The following VWA5B1 variants were observed in gnomAD, a reference collection of about 807,000 sequenced individuals.
The protein encoded by VWA5B1 is von Willebrand factor A domain-containing protein 5B1.
In VWA5B1, 115 loss-of-function variants were observed where a neutral mutation model predicts 118.2. The ratio of observed to expected loss-of-function variants is 0.97; its 90% CI spans 0.84 to 1.14. VWA5B1 has a LOEUF of 1.14. Among genes scored for constraint, VWA5B1 ranks in the 50% most tolerant of loss-of-function variants. The pLI is 0.00. For synonymous variants in VWA5B1, 682 were observed against 658.4 expected (o/e 1.04, Z -0.55); for missense variants, 1,596 against 1,603.8 (o/e 1.00, Z 0.08).
In VWA5B1 at chr1:20,314,624, C is replaced by A. The variant is rs946707134; in HGVS notation, c.563+32C>A. 3.9e-6 allele frequency: 6 copies of A among 1,543,666 alleles called. No homozygotes were observed. In the African/African-American group the frequency reaches 8.2e-5, roughly 21 times the overall value. The stretch of plus-strand genomic sequence containing the variant: ...AAGCCCTGCCCAGACCAATCAGAGT[C>A]CCAGGTGGGCAGCAGAGAGTGCGTC... On this transcript the variant is annotated intron_variant, in intron 4 of 21. Coordinates refer to ENST00000289815, the MANE Select transcript of VWA5B1 (RefSeq NM_001039500.3).
intron 12 of VWA5B1, among the ~76,000 whole-genome samples, chr1:20,334,629 G>A (rs1346799175): frequency 6.6e-6 from 1 of 151,620 alleles, no homozygotes; most frequent in East Asian, 2.0e-4. Context: ...TGGCCAACAT[G>A]GTGAAACCCC....
intron 1 of VWA5B1, among the ~76,000 whole-genome samples, chr1:20,296,423 G>A (rs781455454): frequency 6.6e-6 from 1 of 152,192 alleles, no homozygotes; most frequent in African/African-American, 2.4e-5. Flanking sequence ...GGACATTGGA[G>A]GACTCCTAGT....
chr1:20,343,404 C>T lies in VWA5B1; in HGVS notation c.2626+11C>T. On this transcript the variant is annotated intron_variant, in intron 16 of 21. Coordinates refer to ENST00000289815, the MANE Select transcript of VWA5B1 (RefSeq NM_001039500.3). ...GCGAGATCGAGCAGGGTGAGCGCCA[C>T]GGAACTGCGCCCCTCCCGCGGACGG... 6.7e-7 allele frequency: 1 copy of T among 1,498,846 alleles called. No homozygotes were observed. The highest frequency in any genetic ancestry group is 8.9e-7 in the Non-Finnish European group (1 of 1,125,196). 92.8% of individuals were successfully genotyped at this position (1,498,846 alleles called of 1,614,324 possible). A position where few individuals can be genotyped will look rare whatever the true frequency, so the allele number is the denominator to read the frequency against.
rs936091250 is a variant in VWA5B1, at chr1:20,350,234, A to G, written c.2953+4A>G. 1 of 1,550,840 alleles carries G rather than the reference A, an allele frequency of 6.4e-7. No homozygotes were observed. The highest frequency in any genetic ancestry group is 1.4e-5 in the African/African-American group (1 of 73,034). On this transcript the variant is annotated splice_donor_region_variant and intron_variant, in intron 19 of 21. Transcript: ENST00000289815. ...GAGAAGCACGGTGCTTCTGAAGGTG[A>G]GTGGGCAGGTGGCGCTGCCTCTTCA...
intron 11 of VWA5B1, 86 bp from the exon 12 acceptor site, chr1:20,332,680 C>A (rs1570166052): frequency 1.4e-6 from 2 of 1,431,940 alleles, no homozygotes; most frequent in Non-Finnish European, 1.9e-6. Flanking sequence ...CCTGCTCCCA[C>A]TCCCCACTAA....
At chr1:20,310,533 G>C in intron 1 of VWA5B1, 43 bp from the exon 2 acceptor site, 3 of 1,445,440 alleles carry the variant, frequency 2.1e-6, no homozygotes, top group Non-Finnish European at 2.7e-6. Context: ...GAGGGGACCT[G>C]GGGGAGCCTC....
intron 4 of VWA5B1, among the ~76,000 whole-genome samples, chr1:20,314,968 G>A (rs188897117): frequency 6.6e-6 from 1 of 152,254 alleles, no homozygotes; most frequent in African/African-American, 2.4e-5. Flanking sequence ...TGACATTTTG[G>A]AACTTGGTGG....
intron 20 of VWA5B1, among the ~76,000 whole-genome samples, chr1:20,351,206 GA>G (rs560795810): frequency 2.6e-4 from 39 of 152,330 alleles, no homozygotes; most frequent in African/African-American, 8.7e-4. Context: ...CACTGGACTG[GA>G]CAAGAATGTG....
chr1:20,312,742 C>T, intron 2 of VWA5B1, 94 bp from the exon 3 acceptor site: 1 of 1,414,462 alleles, frequency 7.1e-7, no homozygotes, highest in South Asian at 1.6e-5. Context: ...TGGGCACCAC[C>T]CAACAGGCAG....
chr1:20,333,178 T>C (rs899883419), intron 12 of VWA5B1, among the ~76,000 whole-genome samples: 10 of 152,202 alleles, frequency 6.6e-5, no homozygotes, highest in Admixed American at 5.2e-4. Flanking sequence ...ATGTGGTTAT[T>C]AAGAGCCCCT....
In VWA5B1 at chr1:20,298,296, C is replaced by A. The variant is rs181890197; in HGVS notation, c.-27+7208C>A. On this transcript the variant is annotated intron_variant, in intron 1 of 21. Transcript: ENST00000289815. Reference sequence around the variant, plus strand: ...TGGTAGGATTACAGGCATGAGCCACCCTGCCCAGTCTCAGTGGTGAATCTG... The same window carrying A: ...TGGTAGGATTACAGGCATGAGCCACACTGCCCAGTCTCAGTGGTGAATCTG... Among the ~76,000 whole-genome samples, 377 of 152,078 alleles carry A rather than the reference C, an allele frequency of 2.5e-3. 1 individual carries two copies. Among genetic ancestry groups the A allele is most frequent in the African/African-American group, 8.9e-3 (368 of 41,522 alleles).
Position 20,354,315 on chromosome 1 carries a change from G to A in VWA5B1, c.*52G>A, listed in dbSNP as rs745612558. The A allele has an allele frequency of 6.7e-7, 1 of 1,483,144 alleles. No individual in the cohort carries two copies. Among genetic ancestry groups the A allele is most frequent in the East Asian group, 2.5e-5 (1 of 40,162 alleles). 91.9% of individuals were successfully genotyped at this position (1,483,144 alleles called of 1,614,324 possible). A position where few individuals can be genotyped will look rare whatever the true frequency, so the allele number is the denominator to read the frequency against. ...GGAAGGGTGGGGAGGAGAGGGATGGGCAGGGCCATGTCGGCCTGGTTTCGG... is the reference window on the plus strand; with the variant it reads ...GGAAGGGTGGGGAGGAGAGGGATGGACAGGGCCATGTCGGCCTGGTTTCGG... On this transcript the variant is annotated 3_prime_UTR_variant, in exon 22 of 22. Coordinates refer to ENST00000289815, the MANE Select transcript of VWA5B1 (RefSeq NM_001039500.3).
rs1055938635 is a variant in VWA5B1 at position 20,357,089 on chromosome 1, T to A, written c.*2826T>A. ...TTTCTAGGTCATACAAAGGAATATT[T>A]ATGCCCTGCACTGTCTGAAGAAAGG... On this transcript the variant is annotated 3_prime_UTR_variant, in exon 22 of 22. Coordinates refer to ENST00000289815, the MANE Select transcript of VWA5B1 (RefSeq NM_001039500.3). 6.6e-6 allele frequency among the ~76,000 whole-genome samples: 1 copy of A among 152,190 alleles called. No individual in the cohort carries two copies. The highest frequency in any genetic ancestry group is 2.4e-5 in the African/African-American group (1 of 41,456).
intron 21 of VWA5B1, among the ~76,000 whole-genome samples, chr1:20,352,980 T>C (rs1035152650): frequency 2.6e-5 from 4 of 152,200 alleles, no homozygotes; most frequent in Middle Eastern, 3.4e-3. Flanking sequence ...TTCTAACCCT[T>C]GGGAGTGGCA....
Position 20,358,854 on chromosome 1 carries a change from T to C in VWA5B1, c.*4591T>C, listed in dbSNP as rs2090274624. Reference sequence around the variant, plus strand: ...TAAAAATAACCAGGGCAGGGGTGTGTGTGGCATTTTGCAGCTGGGTAATCT... The same window carrying C: ...TAAAAATAACCAGGGCAGGGGTGTGCGTGGCATTTTGCAGCTGGGTAATCT... On this transcript the variant is annotated 3_prime_UTR_variant, in exon 22 of 22. Transcript: ENST00000289815. Among the ~76,000 whole-genome samples the C allele has an allele frequency of 6.6e-6, 1 of 152,220 alleles. No individual in the cohort carries two copies. Among genetic ancestry groups the C allele is most frequent in the Admixed American group, 6.5e-5 (1 of 15,290 alleles).
intron 8 of VWA5B1, among the ~76,000 whole-genome samples, chr1:20,324,434 T>C (rs2100899123): frequency 6.6e-6 from 1 of 152,296 alleles, no homozygotes; most frequent in East Asian, 1.9e-4. Context: ...TCCCTTGTAT[T>C]TTTGATTGTG....
Position 20,343,214 on chromosome 1 carries a change from G to T in VWA5B1, c.2447G>T (p.Gly816Val). The T allele has an allele frequency of 1.3e-6, 2 of 1,549,572 alleles. No homozygotes were observed. The highest frequency in any genetic ancestry group is 2.4e-5 in the East Asian group (1 of 40,852). ...GTGCTGGGCAAGGCCCTGGTCAAAG[G>T]CCTGCACGACAGCCAACGCCTGCAG... Reference protein sequence around the residue: ...APVLGKALVKGLHDSQRLQWE... With the variant: ...APVLGKALVKVLHDSQRLQWE... Residue 816 changes from glycine to valine, a missense_variant, in exon 16 of 22, where the codon GGC becomes GTC. Gly to Val is a moderately radical substitution (Grantham distance 109, BLOSUM62 -3). Transcript: ENST00000289815.
chr1:20,339,748 C>T (rs1457305163), intron 14 of VWA5B1, among the ~76,000 whole-genome samples: 1 of 151,916 alleles, frequency 6.6e-6, no homozygotes, highest in African/African-American at 2.4e-5. Context: ...CCCTAGGGGC[C>T]CTTCTCTGTG....
chr1:20,350,221 G>A lies in VWA5B1; in HGVS notation c.2944G>A (p.Ala982Thr), dbSNP rs1288056753. ...GTCCCCCGGCCGCGAGAAGCACGGT[G>A]CTTCTGAAGGTGAGTGGGCAGGTGG... ...ARSPGREKHG[A>T]SEGPQRSLAT... Residue 982 changes from alanine (A) to threonine (T), a missense_variant, in exon 19 of 22, where the codon GCT becomes ACT. Transcript: ENST00000289815. 1 of 1,551,120 alleles carries A rather than the reference G, an allele frequency of 6.4e-7. No individual in the cohort carries two copies. Among genetic ancestry groups the A allele is most frequent in the Non-Finnish European group, 8.7e-7 (1 of 1,146,990 alleles).
Sources: allele counts gnomAD v4.1 joint callset (sites outside exome capture counted in the v4.1 genomes callset), GRCh38; gene constraint gnomAD v4.1.1; transcripts MANE v1.5; gene names NCBI Gene and HGNC (gene_info 2026-07-23, HGNC 2026-07-21).